MYO1E: variants seen among roughly 807,000 people sequenced by gnomAD.
MYO1E encodes myosin IE.
A neutral mutation model predicts 151.1 loss-of-function variants in MYO1E; 68 were observed. The observed-to-expected ratio is 0.45, with a 90% CI of 0.37 to 0.55. The LOEUF (loss-of-function observed/expected upper bound fraction) is 0.55, where lower values mean the gene tolerates loss of function less well. Ranked by LOEUF, MYO1E falls within the 20% of genes least tolerant of loss-of-function variation. MYO1E has a pLI of 0.00. For missense variants in MYO1E, 1,363 were observed against 1,389.3 expected (o/e 0.98, Z 0.30); for synonymous variants, 601 against 501.7 (o/e 1.20, Z -2.64).
At chr15:59,258,944 C>A (rs111857704) in intron 3 of MYO1E, among the ~76,000 whole-genome samples, 3,833 of 150,828 alleles carry the variant, frequency 0.025, 167 homozygotes, top group African/African-American at 0.088. Flanking sequence ...TTTAACAATT[C>A]CCCTCTCTTG....
intron 1 of MYO1E, among the ~76,000 whole-genome samples, chr15:59,295,771 G>T (rs2080444915): frequency 6.6e-6 from 1 of 152,122 alleles, no homozygotes; most frequent in Non-Finnish European, 1.5e-5. Context: ...TGCTTTGGAG[G>T]ACCCCAAAGG....
At chr15:59,363,229 G>A (rs566903642) in intron 1 of MYO1E, among the ~76,000 whole-genome samples, 8 of 152,096 alleles carry the variant, frequency 5.3e-5, no homozygotes, top group Admixed American at 4.6e-4. Context: ...CACCCGCCTC[G>A]GCCTCCCAAG....
At chr15:59,178,956 C>A (rs1314556930) in intron 18 of MYO1E, among the ~76,000 whole-genome samples, 2 of 152,186 alleles carry the variant, frequency 1.3e-5, no homozygotes, top group Non-Finnish European at 2.9e-5. Context: ...TCCTGCTAAA[C>A]AGCTATTATG....
chr15:59,138,212 T>C lies in MYO1E; in HGVS notation c.3236A>G (p.Asp1079Gly), dbSNP rs545492504. The C allele has an allele frequency of 1.3e-4, 204 of 1,614,184 alleles. 4 individuals are homozygous for C. In the South Asian group the frequency reaches 2.2e-3, roughly 17 times the overall value. Residue 1079 changes from aspartate to glycine, a missense_variant, in exon 27 of 28, where the codon GAT becomes GGT. Coordinates refer to ENST00000288235, the MANE Select transcript of MYO1E (RefSeq NM_004998.4). ...ELSFNANDIIDIIKEDPSGWW... is the reference protein window; with the variant it reads ...ELSFNANDIIGIIKEDPSGWW... ...CACACACTTACCTTCTTTGATAATATCAATAATGTCATTGGCATTAAAGCT... is the reference window on the plus strand; with the variant it reads ...CACACACTTACCTTCTTTGATAATACCAATAATGTCATTGGCATTAAAGCT...
chr15:59,290,193 T>C (rs1269101256), intron 1 of MYO1E, among the ~76,000 whole-genome samples: 1 of 152,216 alleles, frequency 6.6e-6, no homozygotes, highest in Non-Finnish European at 1.5e-5. Context: ...TTTAGAAACC[T>C]GGCAGCTTCT....
chr15:59,134,182 G>T lies in MYO1E; in HGVS notation c.*3198C>A, dbSNP rs116206228. 13 of 152,428 alleles carry T rather than the reference G, an allele frequency of 8.5e-5. No individual in the cohort carries two copies. Among genetic ancestry groups the T allele is most frequent in the African/African-American group, 2.6e-4 (11 of 41,572 alleles). The allele number at this position is 152,428 out of a possible 1,614,324, so 9.4% of individuals were successfully genotyped here. On this transcript the variant is annotated 3_prime_UTR_variant, in exon 28 of 28. Transcript: ENST00000288235. Reference sequence around the variant, plus strand: ...AGGTCCTTTAAGGAGGAAACTGCACGATGCTTTTCTACCTTCATTGGGCTG... The same window carrying T: ...AGGTCCTTTAAGGAGGAAACTGCACTATGCTTTTCTACCTTCATTGGGCTG...
At chr15:59,212,137 T>C (rs1328226078) in intron 12 of MYO1E, among the ~76,000 whole-genome samples, 1 of 152,068 alleles carries the variant, frequency 6.6e-6, no homozygotes, top group African/African-American at 2.4e-5. Flanking sequence ...ATTGCACTCT[T>C]ACTTGGTTGT....
chr15:59,162,203 T>C (rs2079541640), intron 23 of MYO1E, among the ~76,000 whole-genome samples: 2 of 150,116 alleles, frequency 1.3e-5, no homozygotes, highest in South Asian at 4.2e-4. Flanking sequence ...ACTCGGCTAA[T>C]TTTTTTTTTA....
chr15:59,351,676 C>T (rs1181708651), intron 1 of MYO1E, among the ~76,000 whole-genome samples: 1 of 152,100 alleles, frequency 6.6e-6, no homozygotes, highest in Non-Finnish European at 1.5e-5. Flanking sequence ...AGACAATGCA[C>T]ATCCAAACTA....
chr15:59,372,177 C>T (rs1164598934), intron 1 of MYO1E, among the ~76,000 whole-genome samples: 4 of 151,666 alleles, frequency 2.6e-5, no homozygotes, highest in African/African-American at 9.7e-5. Context: ...GAGGAGGGGA[C>T]CCCCTCCCGC....
intron 22 of MYO1E, among the ~76,000 whole-genome samples, chr15:59,169,778 T>G (rs958194596): frequency 6.6e-6 from 1 of 151,904 alleles, no homozygotes; most frequent in Admixed American, 6.5e-5. Flanking sequence ...AGGAAGAAAT[T>G]TGAGTGTGAA....
intron 4 of MYO1E, among the ~76,000 whole-genome samples, chr15:59,251,616 T>C (rs1231442574): frequency 2.6e-5 from 4 of 152,326 alleles, no homozygotes; most frequent in Middle Eastern, 3.4e-3. Context: ...CAGAGATGCA[T>C]GTGGAAATAT....
At position 59,248,961 on chromosome 15, in the gene MYO1E, T is replaced by C. The variant is rs560163985; in HGVS notation, c.332+7323A>G. On this transcript the variant is annotated intron_variant, in intron 4 of 27. Coordinates refer to ENST00000288235, the MANE Select transcript of MYO1E (RefSeq NM_004998.4). Reference sequence around the variant, plus strand: ...AGAATTCTGCCTATGCAATAATGAATTGGGGTCTGATTCACACTTCCTTGT... The same window carrying C: ...AGAATTCTGCCTATGCAATAATGAACTGGGGTCTGATTCACACTTCCTTGT... 7.2e-5 allele frequency among the ~76,000 whole-genome samples: 11 copies of C among 152,264 alleles called. No individual in the cohort carries two copies. In the East Asian group the frequency reaches 1.5e-3, roughly 21 times the overall value.
intron 14 of MYO1E, chr15:59,208,358 G>C (rs2079854349): frequency 1.8e-6 from 1 of 551,266 alleles, no homozygotes; most frequent in African/African-American, 1.9e-5. Context: ...CCAAAAAGTA[G>C]GATGTAGGTA....
intron 1 of MYO1E, among the ~76,000 whole-genome samples, chr15:59,279,010 C>CA (rs1320459357): frequency 6.6e-6 from 1 of 152,044 alleles, no homozygotes; most frequent in Non-Finnish European, 1.5e-5. Context: ...AGGGAATACT[C>CA]AATGAATATG....
At chr15:59,330,624 T>C (rs967982492) in intron 1 of MYO1E, among the ~76,000 whole-genome samples, 1 of 152,202 alleles carries the variant, frequency 6.6e-6, no homozygotes, top group Admixed American at 6.5e-5. Context: ...TGATTCAACT[T>C]GCAGGTATTT....
intron 9 of MYO1E, chr15:59,218,393 T>A: frequency 2.0e-6 from 1 of 493,770 alleles, no homozygotes; most frequent in African/African-American, 1.9e-5. Context: ...GAGATCACAG[T>A]CAAATGCCTA....
At chr15:59,223,314 A>T in intron 8 of MYO1E, 123 bp from the exon 9 acceptor site, 1 of 1,043,366 alleles carries the variant, frequency 9.6e-7, no homozygotes, top group Non-Finnish European at 1.3e-6. Context: ...CGAGTTACAA[A>T]GAAAAAAAAA....
chr15:59,262,411 G>C (rs1290692836), intron 2 of MYO1E, among the ~76,000 whole-genome samples: 1 of 151,938 alleles, frequency 6.6e-6, no homozygotes, highest in Non-Finnish European at 1.5e-5. Flanking sequence ...TAGGCCAGGA[G>C]TTTGAGGCCG....
Sources: gnomAD v4.1 joint callset for allele counts (sites outside exome capture counted in the v4.1 genomes callset) on GRCh38, gnomAD v4.1.1 for gene constraint, MANE v1.5 for transcripts, NCBI Gene and HGNC (gene_info 2026-07-23, HGNC 2026-07-21) for gene names.